The following NEK10 variants were observed in gnomAD, a reference collection of about 807,000 sequenced individuals.
NEK10 encodes NIMA related kinase 10.
In NEK10, 122 loss-of-function variants were observed where a neutral mutation model predicts 159.8. The ratio of observed to expected loss-of-function variants is 0.76; its 90% confidence interval spans 0.66 to 0.89. The LOEUF (loss-of-function observed/expected upper bound fraction) is 0.89, where lower values mean the gene tolerates loss of function less well. Ranked by LOEUF, NEK10 falls within the 40% of genes least tolerant of loss-of-function variation. The probability of loss-of-function intolerance (pLI) is 0.00; values close to 1 mark genes in which losing one functional copy is unlikely to be tolerated. For synonymous variants in NEK10, 466 were observed against 457.1 expected (o/e 1.02, Z -0.25); for missense variants, 1,342 against 1,323.1 (o/e 1.01, Z -0.22).
At chr3:27,260,872 A>G (rs1340543253) in intron 22 of NEK10, among the ~76,000 whole-genome samples, 1 of 151,962 alleles carries the variant, frequency 6.6e-6, no homozygotes, top group Non-Finnish European at 1.5e-5. Context: ...TGGTTGGTAA[A>G]CTATTGATTA....
chr3:27,300,237 G>C (rs946680182), intron 13 of NEK10, among the ~76,000 whole-genome samples: 6 of 152,152 alleles, frequency 3.9e-5, no homozygotes, highest in African/African-American at 1.4e-4. Context: ...GATAGTGAAT[G>C]AGTCTCACTT....
chr3:27,260,926 T>A lies in NEK10; in HGVS notation c.2015-4555A>T, dbSNP rs570897413. Among the ~76,000 whole-genome samples, 11 of 152,250 alleles carry A rather than the reference T, an allele frequency of 7.2e-5. 1 individual carries two copies. Among genetic ancestry groups the A allele is most frequent in the South Asian group, 4.1e-4 (2 of 4,828 alleles). ...CTGTTATTGGTCTATTCAGAGATTCTACTTCTTCCTGGTTTAGTCTTGGGA... is the reference window on the plus strand; with the variant it reads ...CTGTTATTGGTCTATTCAGAGATTCAACTTCTTCCTGGTTTAGTCTTGGGA... On this transcript the variant is annotated intron_variant, in intron 22 of 35. Transcript: ENST00000691995.
intron 10 of NEK10, among the ~76,000 whole-genome samples, chr3:27,308,643 A>C (rs1444013031): frequency 2.0e-5 from 3 of 152,230 alleles, no homozygotes; most frequent in Admixed American, 6.5e-5. Flanking sequence ...TGCCAAAGAA[A>C]TATTATGGTA....
At chr3:27,297,052 G>A (rs999103485) in intron 14 of NEK10, 127 bp downstream of exon 14, 8 of 562,886 alleles carry the variant, frequency 1.4e-5, no homozygotes, top group African/African-American at 1.1e-4. Context: ...AACGAGAAAT[G>A]TTAAAATAGT....
chr3:27,352,675 T>C, intron 2 of NEK10, 137 bp downstream of exon 2: 2 of 805,060 alleles, frequency 2.5e-6, no homozygotes, highest in South Asian at 3.2e-5. Context: ...ACACTAGAAA[T>C]GACCAGATGT....
intron 23 of NEK10, among the ~76,000 whole-genome samples, chr3:27,245,273 T>C (rs76875030): frequency 6.6e-6 from 1 of 152,148 alleles, no homozygotes; most frequent in African/African-American, 2.4e-5. Context: ...AGAAATACGG[T>C]GCTGCATTAT....
chr3:27,341,297 C>T (rs111959538), intron 5 of NEK10, among the ~76,000 whole-genome samples: 34 of 152,016 alleles, frequency 2.2e-4, no homozygotes, highest in African/African-American at 8.2e-4. Flanking sequence ...AGCAGAATCG[C>T]GTGACTATAG....
chr3:27,354,765 C>T (rs187621351), intron 1 of NEK10, among the ~76,000 whole-genome samples: 52 of 152,236 alleles, frequency 3.4e-4, no homozygotes, highest in Non-Finnish European at 6.2e-4. Flanking sequence ...CAAAAGCTCT[C>T]TAGAGGGTAG....
intron 35 of NEK10, among the ~76,000 whole-genome samples, chr3:27,113,669 A>G (rs1427126432): frequency 1.3e-5 from 2 of 152,178 alleles, no homozygotes; most frequent in African/African-American, 2.4e-5. Flanking sequence ...GTTTATCATA[A>G]TAAGAAAATT....
At chr3:27,328,960 C>T (rs549866138) in intron 5 of NEK10, among the ~76,000 whole-genome samples, 5 of 152,260 alleles carry the variant, frequency 3.3e-5, no homozygotes, top group South Asian at 4.1e-4. Context: ...ATATGTATAA[C>T]AAAAGATGAA....
Position 27,110,430 on chromosome 3 carries a change from G to C in NEK10, c.*842C>G, listed in dbSNP as rs552128465. On this transcript the variant is annotated 3_prime_UTR_variant, in exon 36 of 36. Transcript: ENST00000691995. ...GGTAATTGTAATAAGGAGGGATTTA[G>C]GATGAGGAATATTGCATCTTTTTCA... The C allele has an allele frequency of 6.6e-6, 1 of 152,266 alleles. No individual in the cohort carries two copies. The highest frequency in any genetic ancestry group is 2.4e-5 in the African/African-American group (1 of 41,558). The allele number at this position is 152,266 out of a possible 1,614,324, so 9.4% of individuals were successfully genotyped here.
chr3:27,162,380 C>T (rs114600051), intron 30 of NEK10: 468 of 1,552,494 alleles, frequency 3.0e-4, no homozygotes, highest in Non-Finnish European at 3.9e-4. Context: ...ACCCAAGCAT[C>T]GTTCAGACAT....
intron 30 of NEK10, among the ~76,000 whole-genome samples, chr3:27,147,613 CTT>C (rs1208581074): frequency 6.6e-6 from 1 of 152,202 alleles, no homozygotes; most frequent in Non-Finnish European, 1.5e-5. Context: ...GGCTGAGCCT[CTT>C]TTAAGTAATG....
intron 24 of NEK10, 30 bp downstream of exon 24, chr3:27,202,397 CG>C (rs1559601725): frequency 6.3e-7 from 1 of 1,581,354 alleles, no homozygotes; most frequent in East Asian, 2.3e-5. Flanking sequence ...TTTAGCTACA[CG>C]AGACCCTTCT....
At chr3:27,156,658 A>T (rs1945458093) in intron 30 of NEK10, among the ~76,000 whole-genome samples, 1 of 151,804 alleles carries the variant, frequency 6.6e-6, no homozygotes, top group Non-Finnish European at 1.5e-5. Context: ...AACAGTAGAT[A>T]TTGGCATGGA....
intron 1 of NEK10, among the ~76,000 whole-genome samples, chr3:27,359,413 C>A (rs1166936716): frequency 6.6e-6 from 1 of 152,088 alleles, no homozygotes; most frequent in Non-Finnish European, 1.5e-5. Flanking sequence ...TAATGATTAA[C>A]CTTTCATTTT....
intron 1 of NEK10, among the ~76,000 whole-genome samples, chr3:27,366,985 T>C (rs1043653448): frequency 6.6e-6 from 1 of 151,786 alleles, no homozygotes; most frequent in Non-Finnish European, 1.5e-5. Flanking sequence ...TAATTTTGTA[T>C]TTTTTGTAGA....
chr3:27,247,118 T>C (rs1036746134), intron 23 of NEK10, among the ~76,000 whole-genome samples: 1 of 152,208 alleles, frequency 6.6e-6, no homozygotes, highest in Non-Finnish European at 1.5e-5. Context: ...CTTTTATTTA[T>C]TTCTCTTATC....
intron 25 of NEK10, among the ~76,000 whole-genome samples, chr3:27,194,933 C>A (rs1478908891): frequency 1.3e-5 from 2 of 152,204 alleles, no homozygotes; most frequent in Non-Finnish European, 2.9e-5. Context: ...CTTCCCCAAA[C>A]TCCTCAGGGT....
Sources: allele counts gnomAD v4.1 joint callset (sites outside exome capture counted in the v4.1 genomes callset), GRCh38; gene constraint gnomAD v4.1.1; transcripts MANE v1.5; gene names NCBI Gene and HGNC (gene_info 2026-07-23, HGNC 2026-07-21).